ZNF566: variants seen among roughly 807,000 people sequenced by gnomAD.
The protein encoded by ZNF566 is zinc finger protein 566.
A neutral mutation model predicts 32.8 loss-of-function variants in ZNF566; 27 were observed. The observed-to-expected ratio is 0.82, with a 90% CI of 0.61 to 1.14. The LOEUF (loss-of-function observed/expected upper bound fraction) is 1.14. Among genes scored for constraint, ZNF566 ranks in the 50% most tolerant of loss-of-function variants. ZNF566 has a pLI of 0.00. For missense variants in ZNF566, 402 were observed against 490.4 expected, an observed-to-expected ratio of 0.82 and a Z score of 1.70; for synonymous variants, 154 against 159.5, an observed-to-expected ratio of 0.97 and a Z score of 0.26.
rs758101075 is a variant in ZNF566, at chr19:36,449,270, G to A, written c.964C>T (p.Gln322Ter). ...TGATGTTTAATAAGTTGTGAGCTCTGACTAAAGGCATTGCCACATTCCTTA... is the reference window on the plus strand; with the variant it reads ...TGATGTTTAATAAGTTGTGAGCTCTAACTAAAGGCATTGCCACATTCCTTA... ...ECKECGNAFS[Q>*]SSQLIKHQRI... Residue 322 changes from glutamine (Q) to a stop codon, truncating the protein, a stop_gained, in exon 5 of 5, where the codon CAG becomes TAG. Transcript: ENST00000452939. LOFTEE classifies it high-confidence loss of function. 1 of 1,614,044 alleles carries A rather than the reference G, an allele frequency of 6.2e-7. No individual in the cohort carries two copies. The highest frequency in any genetic ancestry group is 8.5e-7 in the Non-Finnish European group (1 of 1,180,002).
At chr19:36,482,387 G>A (rs529191084) in intron 1 of ZNF566, among the ~76,000 whole-genome samples, 9 of 148,644 alleles carry the variant, frequency 6.1e-5, no homozygotes, top group African/African-American at 2.2e-4. Context: ...TTACAGGAGT[G>A]AGCCACTGTC....
rs576444094 is a variant in ZNF566, at chr19:36,445,378, T to C, written c.*3599A>G. 1.7e-4 allele frequency: 26 copies of C among 152,328 alleles called. No homozygotes were observed. Among genetic ancestry groups the C allele is most frequent in the African/African-American group, 5.8e-4 (24 of 41,586 alleles). The allele number at this position is 152,328 out of a possible 1,614,324, so 9.4% of individuals were successfully genotyped here. On this transcript the variant is annotated 3_prime_UTR_variant, in exon 5 of 5. Transcript: ENST00000452939. ...AAGTCTGACATCCTGCATTAGATCGTATAATCAATTCCTGATGTATTAAAA... is the reference window on the plus strand; with the variant it reads ...AAGTCTGACATCCTGCATTAGATCGCATAATCAATTCCTGATGTATTAAAA...
intron 4 of ZNF566, among the ~76,000 whole-genome samples, chr19:36,458,299 A>G (rs1476680491): frequency 6.6e-6 from 1 of 152,192 alleles, no homozygotes; most frequent in African/African-American, 2.4e-5. Context: ...ATATATACAA[A>G]TACACAAACA....
At chr19:36,458,859 T>C (rs1332152946) in intron 4 of ZNF566, among the ~76,000 whole-genome samples, 1 of 152,192 alleles carries the variant, frequency 6.6e-6, no homozygotes, top group Non-Finnish European at 1.5e-5. Flanking sequence ...ATACATATAA[T>C]TTTTCTTTTT....
At chr19:36,485,352 A>G (rs907959910) in intron 1 of ZNF566, among the ~76,000 whole-genome samples, 3 of 150,410 alleles carry the variant, frequency 2.0e-5, no homozygotes, top group Non-Finnish European at 4.4e-5. Context: ...GAGGTGGAAG[A>G]ATTGCTTGAG....
At position 36,462,956 on chromosome 19, in the gene ZNF566, CAAAAAAAAA is replaced by C. The variant is rs755283751; in HGVS notation, c.232+9946_232+9954del. On this transcript the variant is annotated intron_variant, in intron 4 of 4. Coordinates refer to ENST00000452939, the MANE Select transcript of ZNF566 (RefSeq NM_001145344.1). ...TGGGTGACACAGCGAGACTCTGTCT[CAAAAAAAAA>C]AAAAAAAAAAAAAAAAAAAAAAAAA... Among the ~76,000 whole-genome samples the C allele has an allele frequency of 6.2e-4, 24 of 38,562 alleles. No homozygotes were observed. The East Asian group carries it at 0.017, about 27-fold the overall frequency. 25.3% of individuals were successfully genotyped at this position (38,562 alleles called of 152,430 possible).
intron 4 of ZNF566, among the ~76,000 whole-genome samples, chr19:36,451,561 A>G (rs1444076665): frequency 6.6e-6 from 1 of 152,238 alleles, no homozygotes; most frequent in Non-Finnish European, 1.5e-5. Context: ...ATTCAGTTAC[A>G]TGCGTTTTAT....
At chr19:36,488,329 A>C (rs1019117849) in intron 1 of ZNF566, among the ~76,000 whole-genome samples, 2 of 152,156 alleles carry the variant, frequency 1.3e-5, no homozygotes, top group Non-Finnish European at 2.9e-5. Context: ...TCCTGGCCTC[A>C]AGTGATCCTC....
intron 4 of ZNF566, among the ~76,000 whole-genome samples, chr19:36,463,873 G>A (rs1202751373): frequency 6.6e-6 from 1 of 151,798 alleles, no homozygotes; most frequent in Non-Finnish European, 1.5e-5. Flanking sequence ...TTACAGTTGT[G>A]TGCTATCACA....
intron 1 of ZNF566, among the ~76,000 whole-genome samples, chr19:36,483,252 T>C (rs1313723791): frequency 6.6e-6 from 1 of 152,178 alleles, no homozygotes; most frequent in Admixed American, 6.6e-5. Flanking sequence ...TGGTGTGTTT[T>C]TAACATATAA....
chr19:36,480,066 CA>C (rs1244618707), intron 1 of ZNF566, among the ~76,000 whole-genome samples: 18 of 151,944 alleles, frequency 1.2e-4, no homozygotes, highest in Non-Finnish European at 1.5e-5. Flanking sequence ...TAAAAATTAG[CA>C]AGTTGATTCT....
At chr19:36,478,589 C>T (rs1014833152) in intron 1 of ZNF566, among the ~76,000 whole-genome samples, 1 of 149,814 alleles carries the variant, frequency 6.7e-6, no homozygotes, top group Non-Finnish European at 1.5e-5. Flanking sequence ...ATCTGCTCCT[C>T]TCTTTTAAAT....
Position 36,447,867 on chromosome 19 carries a change from T to C in ZNF566, c.*1110A>G, listed in dbSNP as rs1306237199. On this transcript the variant is annotated 3_prime_UTR_variant, in exon 5 of 5. Transcript: ENST00000452939. ...TTCTTCAGTCAAACACCCTGCCTAA[T>C]GGTGACTAAGTTCTGCAGAAGTTAA... 1.3e-5 allele frequency: 2 copies of C among 152,266 alleles called. No individual in the cohort carries two copies. The highest frequency in any genetic ancestry group is 2.9e-5 in the Non-Finnish European group (2 of 68,008). 9.4% of individuals were successfully genotyped at this position (152,266 alleles called of 1,614,324 possible).
chr19:36,476,357 C>G, intron 2 of ZNF566, 192 bp downstream of exon 2: 1 of 400,460 alleles, frequency 2.5e-6, no homozygotes, highest in Non-Finnish European at 4.4e-6. Flanking sequence ...GTAATCAATT[C>G]TTTTTTTTTC....
intron 1 of ZNF566, among the ~76,000 whole-genome samples, chr19:36,478,558 G>A (rs1482379423): frequency 6.6e-6 from 1 of 150,412 alleles, no homozygotes; most frequent in Admixed American, 6.7e-5. Flanking sequence ...AGCCTCCCAT[G>A]CTGAATTCTT....
In ZNF566 at chr19:36,449,613, G is replaced by A. The variant is rs748698837; in HGVS notation, c.621C>T (p.Ser207=). ...GAGTGAGTCTTGAGGGATGTCTAAA[G>A]GACTTTCCACATTCCTTACATTCAT... ...KPYECKECGK[S]FRHPSRLTHH... The change falls in exon 5 of 5, where the codon TCC becomes TCT. Residue 207 remains serine (S), a synonymous_variant. Transcript: ENST00000452939. 1 of 1,614,110 alleles carries A rather than the reference G, an allele frequency of 6.2e-7. No individual in the cohort carries two copies. Among genetic ancestry groups the A allele is most frequent in the Non-Finnish European group, 8.5e-7 (1 of 1,180,012 alleles).
chr19:36,460,520 C>T (rs797009546), intron 4 of ZNF566, among the ~76,000 whole-genome samples: 3 of 142,648 alleles, frequency 2.1e-5, no homozygotes, highest in East Asian at 4.0e-4. Flanking sequence ...TGAATAGCAG[C>T]GAAAAAAAGA....
chr19:36,485,448 TAAAA>T (rs34950405), intron 1 of ZNF566, among the ~76,000 whole-genome samples: 5 of 104,480 alleles, frequency 4.8e-5, no homozygotes, highest in African/African-American at 1.2e-4. Context: ...CCTTGTCTAT[TAAAA>T]AAAAAAAAAA....
At chr19:36,483,603 A>AT (rs1309680254) in intron 1 of ZNF566, among the ~76,000 whole-genome samples, 2 of 152,140 alleles carry the variant, frequency 1.3e-5, no homozygotes, top group African/African-American at 4.8e-5. Context: ...GAACAGCAAA[A>AT]TAAATAAATA....
Sources: gnomAD v4.1 joint callset for allele counts (sites outside exome capture counted in the v4.1 genomes callset) on GRCh38, gnomAD v4.1.1 for gene constraint, MANE v1.5 for transcripts, NCBI Gene and HGNC (gene_info 2026-07-23, HGNC 2026-07-21) for gene names.